The following LRRC37A2 variants were observed in gnomAD, a reference collection of about 807,000 sequenced individuals.
The protein encoded by LRRC37A2 is leucine rich repeat containing 37 member A2.
In LRRC37A2, 9 loss-of-function variants were observed where a neutral mutation model predicts 68.8. The observed-to-expected ratio is 0.13, with a 90% CI of 0.08 to 0.23. The LOEUF (loss-of-function observed/expected upper bound fraction) is 0.23, where lower values mean the gene tolerates loss of function less well. Among genes scored for constraint, LRRC37A2 ranks in the 10% least tolerant of loss-of-function variants. LRRC37A2 has a pLI of 1.00. For synonymous variants in LRRC37A2, 63 were observed against 367.6 expected, an observed-to-expected ratio of 0.17 and a Z score of 9.48; for missense variants, 168 against 950.4, an observed-to-expected ratio of 0.18 and a Z score of 10.82.
the LRRC37A2 span, among the ~76,000 whole-genome samples, chr17:46,761,896 C>G: frequency 1.3e-5 from 2 of 152,178 alleles, no homozygotes; most frequent in Non-Finnish European, 2.9e-5. Flanking sequence ...GGGTGCCCAT[C>G]CCCAGAGCAT....
chr17:46,830,947 G>C, the LRRC37A2 span: 16 of 395,182 alleles, frequency 4.0e-5, no homozygotes, highest in African/African-American at 3.3e-4. Context: ...CACACATTCA[G>C]AGCCTTTGCA....
At chr17:46,967,243 T>C in the LRRC37A2 span, among the ~76,000 whole-genome samples, 2 of 152,238 alleles carry the variant, frequency 1.3e-5, no homozygotes, top group Non-Finnish European at 2.9e-5. Context: ...TGCCTGGGTT[T>C]GGATCCCAGC....
At chr17:46,756,556 T>C in the LRRC37A2 span, 2 of 152,440 alleles carry the variant, frequency 1.3e-5, no homozygotes, top group Non-Finnish European at 2.9e-5. Context: ...GTTAAAAACA[T>C]GTGAAAGATA....
At chr17:46,837,578 G>A in the LRRC37A2 span, among the ~76,000 whole-genome samples, 3 of 152,196 alleles carry the variant, frequency 2.0e-5, no homozygotes, top group Non-Finnish European at 2.9e-5. Context: ...TGTGTGACCT[G>A]TCCGAGGTCA....
At chr17:46,905,086 T>C in the LRRC37A2 span, among the ~76,000 whole-genome samples, 1 of 152,066 alleles carries the variant, frequency 6.6e-6, no homozygotes, top group Non-Finnish European at 1.5e-5. Context: ...TTTCTTTTTT[T>C]TTTGAGATGG....
the LRRC37A2 span, chr17:47,017,510 G>T: frequency 6.3e-7 from 1 of 1,577,842 alleles, no homozygotes; most frequent in South Asian, 1.1e-5. Context: ...CTGAAAATTT[G>T]GTTCCATTCC....
the LRRC37A2 span, among the ~76,000 whole-genome samples, chr17:46,694,175 A>C: frequency 3.7e-5 from 5 of 135,072 alleles, no homozygotes; most frequent in Non-Finnish European, 7.4e-5. Context: ...ACTTGAGGCC[A>C]GTTGTTCGAG....
the LRRC37A2 span, among the ~76,000 whole-genome samples, chr17:47,037,548 T>C: frequency 7.9e-5 from 12 of 152,246 alleles, no homozygotes; most frequent in Non-Finnish European, 1.8e-4. Flanking sequence ...CAAGCATTTT[T>C]CCATCTACAT....
At chr17:46,541,456 TG>T (rs1381208288) in intron 8 of LRRC37A2, among the ~76,000 whole-genome samples, 1 of 149,280 alleles carries the variant, frequency 6.7e-6, no homozygotes, top group Non-Finnish European at 1.5e-5. Flanking sequence ...TTCGCCATGT[TG>T]GCCAGGGTGG....
At chr17:46,928,267 G>A in the LRRC37A2 span, among the ~76,000 whole-genome samples, 3 of 152,206 alleles carry the variant, frequency 2.0e-5, no homozygotes, top group Admixed American at 6.5e-5. Context: ...CCATAGGGAA[G>A]CCCTGGAAAA....
the LRRC37A2 span, chr17:46,933,181 C>T: frequency 6.6e-6 from 1 of 152,226 alleles, no homozygotes; most frequent in Non-Finnish European, 1.5e-5. Flanking sequence ...CAAGGATGAT[C>T]GCTTGGGATT....
At chr17:46,777,332 G>T in the LRRC37A2 span, among the ~76,000 whole-genome samples, 1 of 152,258 alleles carries the variant, frequency 6.6e-6, no homozygotes, top group Admixed American at 6.5e-5. Flanking sequence ...GAGTCGGGGG[G>T]CCCATGCTGG....
the LRRC37A2 span, among the ~76,000 whole-genome samples, chr17:46,998,032 A>G: frequency 3.3e-5 from 5 of 152,020 alleles, no homozygotes; most frequent in African/African-American, 1.2e-4. Flanking sequence ...TCCATGGATT[A>G]AAAGATTTAA....
At chr17:46,857,965 T>C in the LRRC37A2 span, among the ~76,000 whole-genome samples, 2 of 152,212 alleles carry the variant, frequency 1.3e-5, no homozygotes, top group African/African-American at 4.8e-5. Context: ...AGTCTCACTC[T>C]GTATCCCAGG....
At chr17:46,728,128 T>C in the LRRC37A2 span, among the ~76,000 whole-genome samples, 1 of 152,196 alleles carries the variant, frequency 6.6e-6, no homozygotes, top group South Asian at 2.1e-4. Context: ...ATATGCAGTA[T>C]GCAGAGAAAG....
At chr17:46,825,849 C>T in the LRRC37A2 span, among the ~76,000 whole-genome samples, 3 of 152,150 alleles carry the variant, frequency 2.0e-5, no homozygotes, top group African/African-American at 7.2e-5. Context: ...TGTGGCAAAA[C>T]CCTGTCTCTA....
the LRRC37A2 span, among the ~76,000 whole-genome samples, chr17:46,811,288 A>C: frequency 1.3e-5 from 2 of 151,934 alleles, no homozygotes; most frequent in African/African-American, 4.8e-5. Flanking sequence ...CAGTGTTAAT[A>C]TGGGAAATGC....
the LRRC37A2 span, among the ~76,000 whole-genome samples, chr17:46,717,603 T>A: frequency 6.6e-6 from 1 of 152,182 alleles, no homozygotes; most frequent in Admixed American, 6.5e-5. Flanking sequence ...TGCCAGCTAC[T>A]CAGGAGGCTG....
chr17:46,558,597 G>A (rs1157505498), downstream of LRRC37A2, among the ~76,000 whole-genome samples: 33 of 122,768 alleles, frequency 2.7e-4, no homozygotes, highest in Non-Finnish European at 4.5e-4. Context: ...CACCATGTTG[G>A]CCAGGCTAGT....
Sources: allele counts gnomAD v4.1 joint callset (sites outside exome capture counted in the v4.1 genomes callset), GRCh38; gene constraint gnomAD v4.1.1; transcripts MANE v1.5; gene names NCBI Gene and HGNC (gene_info 2026-07-23, HGNC 2026-07-21).